Variants in GLRA3 observed in about 807,000 individuals in gnomAD.
GLRA3 encodes glycine receptor alpha 3, also known as glycine receptor subunit alpha-3.
In GLRA3, 44 loss-of-function variants were observed where a neutral mutation model predicts 60.4. That is an observed-to-expected ratio of 0.73 (90% CI 0.57 to 0.94). The LOEUF is 0.94. Among genes scored for constraint, GLRA3 ranks in the 40% least tolerant of loss-of-function variants. GLRA3 has a pLI of 0.00. For missense variants in GLRA3, 508 were observed against 564.6 expected (o/e 0.90, Z 1.02); for synonymous variants, 223 against 192.9 (o/e 1.16, Z -1.29).
intron 4 of GLRA3, among the ~76,000 whole-genome samples, chr4:174,720,893 G>A (rs1281159683): frequency 2.0e-5 from 3 of 152,118 alleles, no homozygotes; most frequent in Non-Finnish European, 4.4e-5. Context: ...GAATGTGAGT[G>A]GTAGACAAAT....
At position 174,788,895 on chromosome 4, in the gene GLRA3, T is replaced by G. The variant is rs752638077; in HGVS notation, c.120A>C (p.Pro40=). 1.9e-6 allele frequency: 3 copies of G among 1,608,926 alleles called. No homozygotes were observed. The highest frequency in any genetic ancestry group is 8.5e-7 in the Non-Finnish European group (1 of 1,176,260). The change falls in exon 2 of 10, where the codon CCA becomes CCC. Residue 40 remains proline (P), a synonymous_variant. Coordinates refer to ENST00000274093, the MANE Select transcript of GLRA3 (RefSeq NM_006529.4). ...TATCCAGAAAATCAGAAGGTGACAT[T>G]GGAGCACTTCGAGATCTTGCACTGT... ...ETDSARSRSA[P]MSPSDFLDKL...
chr4:174,731,755 C>T (rs1325696605), intron 3 of GLRA3, among the ~76,000 whole-genome samples: 1 of 152,214 alleles, frequency 6.6e-6, no homozygotes, highest in Non-Finnish European at 1.5e-5. Flanking sequence ...ACATATACAA[C>T]TGACAGTTGA....
chr4:174,643,669 C>T lies in GLRA3; in HGVS notation c.*117G>A. 1 of 1,414,214 alleles carries T rather than the reference C, an allele frequency of 7.1e-7. No individual in the cohort carries two copies. Among genetic ancestry groups the T allele is most frequent in the Non-Finnish European group, 9.3e-7 (1 of 1,079,862 alleles). 87.6% of individuals were successfully genotyped at this position (1,414,214 alleles called of 1,614,324 possible). On this transcript the variant is annotated 3_prime_UTR_variant, in exon 10 of 10. Transcript: ENST00000274093. Reference sequence around the variant, plus strand: ...CCAAAATACAAAGCTTTTCCATATGCCATTTTAATACAATGGTCATCATTT... The same window carrying T: ...CCAAAATACAAAGCTTTTCCATATGTCATTTTAATACAATGGTCATCATTT...
At chr4:174,806,773 T>C (rs542421150) in intron 1 of GLRA3, among the ~76,000 whole-genome samples, 177 of 152,126 alleles carry the variant, frequency 1.2e-3, no homozygotes, top group Non-Finnish European at 2.3e-3. Flanking sequence ...CAATCCCTTG[T>C]GGATACAAAG....
intron 7 of GLRA3, among the ~76,000 whole-genome samples, chr4:174,671,818 T>C (rs941874077): frequency 3.9e-5 from 6 of 151,946 alleles, no homozygotes; most frequent in Admixed American, 6.6e-5. Context: ...CCCAGCTAAT[T>C]TTTGTATTTT....
At chr4:174,812,771 T>C (rs1397244889) in intron 1 of GLRA3, among the ~76,000 whole-genome samples, 1 of 152,184 alleles carries the variant, frequency 6.6e-6, no homozygotes, top group Non-Finnish European at 1.5e-5. Flanking sequence ...ACTCAGTTTA[T>C]ACTTAAAGCT....
In GLRA3 at chr4:174,712,023, C is replaced by G. The variant is rs72706196; in HGVS notation, c.574+3465G>C. Reference sequence around the variant, plus strand: ...TTTTATTCTTTGATATTATCCTTAACTCATACTTTTTTTTTCTCATCAATT... The same window carrying G: ...TTTTATTCTTTGATATTATCCTTAAGTCATACTTTTTTTTTCTCATCAATT... On this transcript the variant is annotated intron_variant, in intron 5 of 9. Coordinates refer to ENST00000274093, the MANE Select transcript of GLRA3 (RefSeq NM_006529.4). Among the ~76,000 whole-genome samples, 8 of 151,882 alleles carry G rather than the reference C, an allele frequency of 5.3e-5. No individual in the cohort carries two copies. The East Asian group carries it at 1.5e-3, about 29-fold the overall frequency.
At chr4:174,806,939 T>C (rs1017427950) in intron 1 of GLRA3, among the ~76,000 whole-genome samples, 31 of 152,132 alleles carry the variant, frequency 2.0e-4, no homozygotes, top group African/African-American at 7.5e-4. Context: ...TCTCTGTAAC[T>C]AAGGAATATA....
chr4:174,730,456 T>G (rs1736509682), intron 3 of GLRA3, among the ~76,000 whole-genome samples: 1 of 152,226 alleles, frequency 6.6e-6, no homozygotes, highest in East Asian at 1.9e-4. Flanking sequence ...AATGTACATT[T>G]GTACTGATTT....
At chr4:174,732,222 G>T (rs1736576754) in intron 3 of GLRA3, among the ~76,000 whole-genome samples, 1 of 152,084 alleles carries the variant, frequency 6.6e-6, no homozygotes, top group South Asian at 2.1e-4. Flanking sequence ...GGGTGTGGTG[G>T]CGTGCGCCTG....
chr4:174,819,220 C>T (rs1740637263), intron 1 of GLRA3, among the ~76,000 whole-genome samples: 1 of 152,156 alleles, frequency 6.6e-6, no homozygotes, highest in African/African-American at 2.4e-5. Flanking sequence ...ATATGTTCTT[C>T]CCTAACAGTC....
intron 1 of GLRA3, among the ~76,000 whole-genome samples, chr4:174,792,965 G>A (rs184277860): frequency 3.3e-5 from 5 of 152,234 alleles, no homozygotes; most frequent in Non-Finnish European, 5.9e-5. Context: ...GAGGGGGTGG[G>A]AAGTTGAGCA....
Position 174,637,635 on chromosome 4 carries a change from T to TAA in GLRA3, c.*6149_*6150dup, listed in dbSNP as rs1732528439. ...ACCACCCCAGAGTAAAAGCAGCTAT[T>TAA]AAAATAAAACAACTTAATCCCCTGT... On this transcript the variant is annotated 3_prime_UTR_variant, in exon 10 of 10. Transcript: ENST00000274093. 6.6e-6 allele frequency: 1 copy of TAA among 152,206 alleles called. No individual in the cohort carries two copies. The highest frequency in any genetic ancestry group is 1.5e-5 in the Non-Finnish European group (1 of 68,034). The allele number at this position is 152,206 out of a possible 1,614,324, so 9.4% of individuals were successfully genotyped here. A position where few individuals can be genotyped will look rare whatever the true frequency, so the allele number is the denominator to read the frequency against.
chr4:174,759,436 T>A (rs13130820), intron 3 of GLRA3, among the ~76,000 whole-genome samples: 1 of 151,834 alleles, frequency 6.6e-6, no homozygotes, highest in Non-Finnish European at 1.5e-5. Context: ...TAAATGATAT[T>A]AATAATATTT....
At chr4:174,714,602 G>A (rs1237592584) in intron 5 of GLRA3, among the ~76,000 whole-genome samples, 3 of 152,160 alleles carry the variant, frequency 2.0e-5, no homozygotes, top group Non-Finnish European at 2.9e-5. Context: ...TCTAGTGACA[G>A]CTCCATCACA....
chr4:174,768,743 A>G (rs1454883749), intron 2 of GLRA3, among the ~76,000 whole-genome samples: 1 of 152,166 alleles, frequency 6.6e-6, no homozygotes, highest in East Asian at 1.9e-4. Context: ...AGATGCCAGT[A>G]GGTAGCACAT....
At chr4:174,744,228 A>G (rs1737140870) in intron 3 of GLRA3, among the ~76,000 whole-genome samples, 1 of 152,246 alleles carries the variant, frequency 6.6e-6, no homozygotes, top group Non-Finnish European at 1.5e-5. Flanking sequence ...TGCCACTGCC[A>G]CTGCCATTGC....
At chr4:174,758,054 A>C (rs1294135543) in intron 3 of GLRA3, among the ~76,000 whole-genome samples, 1 of 151,978 alleles carries the variant, frequency 6.6e-6, no homozygotes, top group Non-Finnish European at 1.5e-5. Context: ...TAATCTCCTC[A>C]TGCTGGCTCC....
At chr4:174,680,190 G>T (rs141286745) in intron 6 of GLRA3, among the ~76,000 whole-genome samples, 472 of 152,036 alleles carry the variant, frequency 3.1e-3, no homozygotes, top group Non-Finnish European at 6.1e-3. Context: ...AGAAAATAAA[G>T]GGATACACAC....
Sources: allele counts gnomAD v4.1 joint callset (sites outside exome capture counted in the v4.1 genomes callset), GRCh38; gene constraint gnomAD v4.1.1; transcripts MANE v1.5; gene names NCBI Gene and HGNC (gene_info 2026-07-23, HGNC 2026-07-21).